The following CFAP251 variants were observed in gnomAD, a reference collection of about 807,000 sequenced individuals.
The protein encoded by CFAP251 is cilia and flagella associated protein 251, also known as cilia- and flagella-associated protein 251.
CFAP251 carries 93 observed loss-of-function variants against 126.7 expected under a neutral mutation model. That is an observed-to-expected ratio of 0.73 (90% CI 0.62 to 0.87). The LOEUF (loss-of-function observed/expected upper bound fraction) is 0.87. CFAP251 is among the 40% of genes least tolerant of loss of function. The pLI is 0.00. For missense variants in CFAP251, 1,287 were observed against 1,389.2 expected (o/e 0.93, Z 1.17); for synonymous variants, 503 against 506.9 (o/e 0.99, Z 0.10).
chr12:122,002,819 C>G (rs1295770040), intron 21 of CFAP251, among the ~76,000 whole-genome samples: 2 of 152,120 alleles, frequency 1.3e-5, no homozygotes, highest in Admixed American at 6.6e-5. Context: ...TGGTCAGATC[C>G]CACCACCATC....
chr12:121,978,926 T>C (rs1182797791), intron 19 of CFAP251, among the ~76,000 whole-genome samples: 2 of 152,184 alleles, frequency 1.3e-5, no homozygotes, highest in Admixed American at 6.5e-5. Flanking sequence ...AATATGAAAT[T>C]GCAGACCCTA....
At chr12:121,975,509 T>A in intron 18 of CFAP251, 33 bp from the exon 19 acceptor site, 9 of 1,604,004 alleles carry the variant, frequency 5.6e-6, no homozygotes, top group Non-Finnish European at 7.6e-6. Context: ...TAAGCCTAAA[T>A]GTGTGTTGTG....
intron 8 of CFAP251, 154 bp from the exon 9 acceptor site, chr12:121,951,326 T>G (rs1017368878): frequency 1.2e-4 from 56 of 467,500 alleles, no homozygotes; most frequent in South Asian, 5.4e-4. Flanking sequence ...CAGAATGTTT[T>G]TAGATATTTC....
At chr12:121,961,007 G>C (rs1315740549) in intron 14 of CFAP251, among the ~76,000 whole-genome samples, 1 of 152,204 alleles carries the variant, frequency 6.6e-6, no homozygotes, top group Admixed American at 6.5e-5. Context: ...AAGGAGCGGG[G>C]AGTTCCCCAT....
At chr12:121,921,735 A>C (rs1469990796) in intron 2 of CFAP251, 52 bp downstream of exon 2, 1 of 1,544,700 alleles carries the variant, frequency 6.5e-7, no homozygotes, top group Non-Finnish European at 8.8e-7. Context: ...CATTAGTTGA[A>C]TGCTTAGTAT....
chr12:121,979,721 T>G (rs1882571881), intron 19 of CFAP251, among the ~76,000 whole-genome samples: 1 of 151,960 alleles, frequency 6.6e-6, no homozygotes, highest in Admixed American at 6.6e-5. Context: ...TGCACCACCA[T>G]GCCTGGCTAA....
intron 3 of CFAP251, among the ~76,000 whole-genome samples, chr12:121,930,906 G>A (rs1173891218): frequency 6.6e-6 from 1 of 151,752 alleles, no homozygotes; most frequent in Admixed American, 6.6e-5. Flanking sequence ...GTGCCACCAC[G>A]CCTGGCTAAT....
chr12:121,921,498 G>GAGGAGAAAGAGGAGA lies in CFAP251; in HGVS notation c.196_197insAGAAAGAGGAGAAGG (p.Glu65_Gly66insGluLysGluGluLys), dbSNP rs1398925495. 4.3e-6 allele frequency: 7 copies of GAGGAGAAAGAGGAGA among 1,613,574 alleles called. No homozygotes were observed. The highest frequency in any genetic ancestry group is 2.2e-5 in the East Asian group (1 of 44,866). Reference sequence around the variant, plus strand: ...AACGGGCGAGGAGGAAGGGGAGGAGGAGGGGAAGGAGGACAAAAAGATTGT... The same window carrying GAGGAGAAAGAGGAGA: ...AACGGGCGAGGAGGAAGGGGAGGAGGAGGAGAAAGAGGAGAAGGGGAAGGAGGACAAAAAGATTGT... On this transcript the variant is annotated inframe_insertion, in exon 2 of 22. Transcript: ENST00000288912.
chr12:121,980,853 T>C (rs1882603330), intron 19 of CFAP251, among the ~76,000 whole-genome samples: 1 of 152,228 alleles, frequency 6.6e-6, no homozygotes, highest in African/African-American at 2.4e-5. Context: ...GAAGCACATC[T>C]TGGTGCAAAC....
intron 9 of CFAP251, chr12:121,953,390 C>T (rs1330998859): frequency 6.6e-6 from 1 of 152,244 alleles, no homozygotes; most frequent in Non-Finnish European, 1.5e-5. Flanking sequence ...AATTATTTGT[C>T]ACACTGCACA....
At chr12:121,928,736 G>A (rs1880558662) in intron 3 of CFAP251, among the ~76,000 whole-genome samples, 1 of 142,258 alleles carries the variant, frequency 7.0e-6, no homozygotes, top group African/African-American at 2.6e-5. Context: ...TTGCTCTGTT[G>A]CTCAGGCTGC....
At chr12:121,975,399 C>T in intron 18 of CFAP251, 65 bp downstream of exon 18, 1 of 1,572,038 alleles carries the variant, frequency 6.4e-7, no homozygotes, top group Non-Finnish European at 8.7e-7. Context: ...CAAATGTGCC[C>T]AGGGTTAACC....
chr12:121,943,717 A>G (rs1240740687), intron 7 of CFAP251, among the ~76,000 whole-genome samples: 1 of 152,124 alleles, frequency 6.6e-6, no homozygotes, highest in Non-Finnish European at 1.5e-5. Context: ...GAGCCACTGC[A>G]CCTGGCCTCA....
chr12:121,936,648 T>C (rs996246916), intron 5 of CFAP251, among the ~76,000 whole-genome samples: 1 of 151,736 alleles, frequency 6.6e-6, no homozygotes, highest in Admixed American at 6.6e-5. Context: ...GGCTGCTAGT[T>C]TGGGCTGTGG....
Position 121,928,652 on chromosome 12 carries a change from ATATACG to A in CFAP251, c.748-3089_748-3084del, listed in dbSNP as rs1333956194. On this transcript the variant is annotated intron_variant, in intron 3 of 21. Coordinates refer to ENST00000288912, the MANE Select transcript of CFAP251 (RefSeq NM_144668.6). ...TATATATATACGTATATATATATAT[ATATACG>A]TATATATATACGTATATATATATAT... Among the ~76,000 whole-genome samples, 287 of 35,488 alleles carry A rather than the reference ATATACG, an allele frequency of 8.1e-3. 6 individuals carry two copies. Among genetic ancestry groups the A allele is most frequent in the Middle Eastern group, 0.031 (1 of 32 alleles). The allele number at this position is 35,488 out of a possible 152,430, so 23.3% of individuals were successfully genotyped here. A position where few individuals can be genotyped will look rare whatever the true frequency, so the allele number is the denominator to read the frequency against.
At chr12:121,976,895 G>A (rs143249695) in intron 19 of CFAP251, among the ~76,000 whole-genome samples, 7 of 152,274 alleles carry the variant, frequency 4.6e-5, no homozygotes, top group East Asian at 1.9e-4. Context: ...GAGACAGAGC[G>A]AGACCCTGTC....
At chr12:121,969,371 C>T in intron 17 of CFAP251, 1 of 985,358 alleles carries the variant, frequency 1.0e-6, no homozygotes, top group Non-Finnish European at 1.2e-6. Context: ...GTGAACTCTC[C>T]TATTGAAAAG....
chr12:121,964,087 T>A (rs961706323), intron 15 of CFAP251, among the ~76,000 whole-genome samples: 6 of 152,172 alleles, frequency 3.9e-5, no homozygotes, highest in Non-Finnish European at 8.8e-5. Context: ...AAGACTATCA[T>A]GGTTTTGAAA....
chr12:121,953,928 T>C (rs188488701), intron 9 of CFAP251, 192 bp from the exon 10 acceptor site: 2 of 603,466 alleles, frequency 3.3e-6, no homozygotes, highest in Non-Finnish European at 5.8e-6. Flanking sequence ...CTTCACTTGC[T>C]CTTAGCAAAC....
Sources: gnomAD v4.1 joint callset for allele counts (sites outside exome capture counted in the v4.1 genomes callset) on GRCh38, gnomAD v4.1.1 for gene constraint, MANE v1.5 for transcripts, NCBI Gene and HGNC (gene_info 2026-07-23, HGNC 2026-07-21) for gene names.